Variants in SEMA3E observed in about 807,000 individuals in gnomAD.
The protein encoded by SEMA3E is semaphorin-3E.
A neutral mutation model predicts 93.6 loss-of-function variants in SEMA3E; 49 were observed. The observed-to-expected ratio is 0.52, with a 90% CI of 0.42 to 0.66. SEMA3E has a LOEUF of 0.66. Among genes scored for constraint, SEMA3E ranks in the 30% least tolerant of loss-of-function variants. SEMA3E has a pLI of 0.00. For missense variants in SEMA3E, 906 were observed against 964.8 expected (o/e 0.94, Z 0.81); for synonymous variants, 363 against 330.7 (o/e 1.10, Z -1.06).
In SEMA3E at chr7:83,607,625, A is replaced by G. The variant is rs184808116; in HGVS notation, c.115+40803T>C. On this transcript the variant is annotated intron_variant, in intron 1 of 16. Transcript: ENST00000643230. ...CTATAAAATAAAAATTTGGAATACT[A>G]TAAGTATGATCAAGCTAAAGGATCA... 2.9e-3 allele frequency among the ~76,000 whole-genome samples: 446 copies of G among 152,322 alleles called. 1 individual carries two copies. Among genetic ancestry groups the G allele is most frequent in the Non-Finnish European group, 4.9e-3 (330 of 68,032 alleles).
chr7:83,595,001 C>A (rs2115960485), intron 1 of SEMA3E, among the ~76,000 whole-genome samples: 1 of 150,652 alleles, frequency 6.6e-6, no homozygotes, highest in African/African-American at 2.4e-5. Flanking sequence ...AATTAGTAGG[C>A]CTCTTTCCCT....
intron 2 of SEMA3E, among the ~76,000 whole-genome samples, chr7:83,479,663 T>C (rs943073663): frequency 3.3e-5 from 5 of 152,152 alleles, no homozygotes; most frequent in African/African-American, 1.2e-4. Context: ...AAAGATACTA[T>C]GGATATCTGT....
chr7:83,396,001 C>T (rs1251893295), intron 12 of SEMA3E, among the ~76,000 whole-genome samples: 1 of 151,366 alleles, frequency 6.6e-6, no homozygotes, highest in African/African-American at 2.4e-5. Flanking sequence ...AGTGTTACAA[C>T]AACTTTGAAG....
chr7:83,456,947 A>G (rs1789495096), intron 4 of SEMA3E, among the ~76,000 whole-genome samples: 1 of 152,174 alleles, frequency 6.6e-6, no homozygotes, highest in Non-Finnish European at 1.5e-5. Flanking sequence ...TAATGATATT[A>G]TTACATTTAT....
At chr7:83,434,981 G>T (rs1256914082) in intron 4 of SEMA3E, among the ~76,000 whole-genome samples, 2 of 151,882 alleles carry the variant, frequency 1.3e-5, no homozygotes. Context: ...CCAAAGTGCT[G>T]GGATTACAGG....
chr7:83,512,763 T>C (rs1790852392), intron 1 of SEMA3E, among the ~76,000 whole-genome samples: 1 of 152,220 alleles, frequency 6.6e-6, no homozygotes, highest in South Asian at 2.1e-4. Context: ...CGTATATACA[T>C]TGTGCCTGTC....
intron 1 of SEMA3E, among the ~76,000 whole-genome samples, chr7:83,504,587 G>A (rs1231631769): frequency 6.6e-6 from 1 of 152,158 alleles, no homozygotes; most frequent in African/African-American, 2.4e-5. Context: ...AATGCTGTGT[G>A]TACAGTTCAC....
At chr7:83,390,725 A>G (rs1242551864) in intron 14 of SEMA3E, among the ~76,000 whole-genome samples, 6 of 152,172 alleles carry the variant, frequency 3.9e-5, no homozygotes, top group Admixed American at 3.9e-4. Context: ...AAAGATCTCC[A>G]TTACATGTCA....
At chr7:83,537,057 TCTCTCTCTTTCTTCTCTTCCC>T (rs1791423584) in intron 1 of SEMA3E, among the ~76,000 whole-genome samples, 2 of 151,926 alleles carry the variant, frequency 1.3e-5, no homozygotes, top group Admixed American at 1.3e-4. Context: ...TCTCTCTCAC[TCTCTCTCTTTCTTCTCTTCCC>T]CTCTCTCTTC....
chr7:83,517,230 G>A (rs552233682), intron 1 of SEMA3E, among the ~76,000 whole-genome samples: 3 of 152,182 alleles, frequency 2.0e-5, no homozygotes, highest in South Asian at 4.2e-4. Context: ...TATGCTAGAC[G>A]GAGCATGAAA....
chr7:83,449,425 T>A (rs2115813492), intron 4 of SEMA3E, among the ~76,000 whole-genome samples: 1 of 152,088 alleles, frequency 6.6e-6, no homozygotes, highest in African/African-American at 2.4e-5. Flanking sequence ...ATTTTAAAAA[T>A]ATTTTATGCT....
chr7:83,463,485 A>G (rs1298060165), intron 4 of SEMA3E, among the ~76,000 whole-genome samples: 1 of 151,998 alleles, frequency 6.6e-6, no homozygotes, highest in South Asian at 2.1e-4. Context: ...GTCTCCCACA[A>G]TTACCGTTGT....
Position 83,367,362 on chromosome 7 carries a change from G to T in SEMA3E, c.*224C>A. On this transcript the variant is annotated 3_prime_UTR_variant, in exon 17 of 17. Coordinates refer to ENST00000643230, the MANE Select transcript of SEMA3E (RefSeq NM_012431.3). The stretch of plus-strand genomic sequence containing the variant: ...ACAGTTGTTTTTTGATAAACATAAT[G>T]AGAAACCATTAAGCAATGCATTTAT... The T allele has an allele frequency of 4.0e-6, 2 of 502,904 alleles. No homozygotes were observed. 31.2% of individuals were successfully genotyped at this position (502,904 alleles called of 1,614,324 possible).
intron 11 of SEMA3E, among the ~76,000 whole-genome samples, chr7:83,399,769 A>G: frequency 6.6e-6 from 1 of 151,650 alleles, no homozygotes; most frequent in East Asian, 1.9e-4. Context: ...CTCACATCTG[A>G]AAAAAAACCA....
chr7:83,408,423 G>A lies in SEMA3E; in HGVS notation c.615C>T (p.Ser205=), dbSNP rs758229846. 2.5e-5 allele frequency: 40 copies of A among 1,613,694 alleles called. No individual in the cohort carries two copies. The highest frequency in any genetic ancestry group is 2.7e-5 in the Non-Finnish European group (32 of 1,179,876). The change falls in exon 6 of 17, where the codon AGC becomes AGT. Residue 205 remains serine (S), a synonymous_variant. Transcript: ENST00000643230. ...YWSRDAAIFR[S]MGRLAHIRTE... The stretch of plus-strand genomic sequence containing the variant: ...TGCGGATATGGGCCAGTCGCCCCAT[G>A]CTGCGGAAGATCGCAGCGTCTCTGC...
At chr7:83,493,946 T>C (rs1383633556) in intron 1 of SEMA3E, among the ~76,000 whole-genome samples, 2 of 151,918 alleles carry the variant, frequency 1.3e-5, no homozygotes, top group Admixed American at 6.6e-5. Context: ...TCTGCAATAA[T>C]GGACATGGAG....
chr7:83,366,631 A>G lies in SEMA3E; in HGVS notation c.*955T>C, dbSNP rs1484796166. The G allele has an allele frequency of 1.3e-5, 2 of 152,170 alleles. No homozygotes were observed. The highest frequency in any genetic ancestry group is 1.9e-4 in the East Asian group (1 of 5,198). The allele number at this position is 152,170 out of a possible 1,614,324, so 9.4% of individuals were successfully genotyped here. ...TTTTGACTTGTGAGATAAATTATCT[A>G]TAAACAATACTTTCATATTAAAGTA... On this transcript the variant is annotated 3_prime_UTR_variant, in exon 17 of 17. Transcript: ENST00000643230.
Position 83,557,809 on chromosome 7 carries a change from C to T in SEMA3E, c.116-67535G>A, listed in dbSNP as rs1173222658. Among the ~76,000 whole-genome samples, 3 of 152,144 alleles carry T rather than the reference C, an allele frequency of 2.0e-5. No individual in the cohort carries two copies. The South Asian group carries it at 6.2e-4, about 31-fold the overall frequency. ...TCAATGTGCATCCCTCTAAGAATTG[C>T]TCTAAGAATTATACTTGGAAGAAGG... On this transcript the variant is annotated intron_variant, in intron 1 of 16. Transcript: ENST00000643230.
Position 83,625,896 on chromosome 7 carries a change from T to C in SEMA3E, c.115+22532A>G, listed in dbSNP as rs201069800. ...ATACATTCCATCAATACCTCGTCTA[T>C]TGAGTGTTTTTAGCATGAAGGGGTG... On this transcript the variant is annotated intron_variant, in intron 1 of 16. Coordinates refer to ENST00000643230, the MANE Select transcript of SEMA3E (RefSeq NM_012431.3). Among the ~76,000 whole-genome samples the C allele has an allele frequency of 5.3e-5, 8 of 152,270 alleles. No individual in the cohort carries two copies. In the East Asian group the frequency reaches 1.5e-3, roughly 29 times the overall value.
Sources: allele counts gnomAD v4.1 joint callset (sites outside exome capture counted in the v4.1 genomes callset), GRCh38; gene constraint gnomAD v4.1.1; transcripts MANE v1.5; gene names NCBI Gene and HGNC (gene_info 2026-07-23, HGNC 2026-07-21).